ZNF350: variants seen among roughly 807,000 people sequenced by gnomAD.
ZNF350 encodes the protein zinc finger protein 350, also known as KRAB zinc finger protein ZFQR.
A neutral mutation model predicts 13.1 loss-of-function variants in ZNF350; 5 were observed. The ratio of observed to expected loss-of-function variants is 0.38; its 90% confidence interval spans 0.20 to 0.80. The LOEUF (loss-of-function observed/expected upper bound fraction) is 0.80, where lower values mean the gene tolerates loss of function less well. Among genes scored for constraint, ZNF350 ranks in the 30% least tolerant of loss-of-function variants. The pLI is 0.43. For missense variants in ZNF350, 534 were observed against 644.2 expected, an observed-to-expected ratio of 0.83 and a Z score of 1.85; for synonymous variants, 199 against 224.2, an observed-to-expected ratio of 0.89 and a Z score of 1.00.
Position 51,976,501 on chromosome 19 carries a change from G to GA in ZNF350, c.-171-1971_-171-1970insT. The GA allele has an allele frequency of 1.3e-5, 2 of 152,534 alleles. No individual in the cohort carries two copies. The highest frequency in any genetic ancestry group is 3.9e-4 in the East Asian group (2 of 5,178). 9.4% of individuals were successfully genotyped at this position (152,534 alleles called of 1,614,324 possible). A position where few individuals can be genotyped will look rare whatever the true frequency, so the allele number is the denominator to read the frequency against. On this transcript the variant is annotated intron_variant, in intron 1 of 4. Transcript: ENST00000243644. This position sits in a 1 kb window ranked among gnomAD's most constrained non-coding sequence, Gnocchi z 4.5. ...TCAAGGACGTGAATGAAGAAGGTCT[G>GA]CTGGAGCAGAGGAACTGAAATTGAC...
chr19:51,974,581 C>G (rs546173034), intron 1 of ZNF350, 50 bp from the exon 2 acceptor site: 53 of 540,632 alleles, frequency 9.8e-5, no homozygotes, highest in Middle Eastern at 2.8e-4. Context: ...TTTTCCAGGC[C>G]CAGATACTGT....
At chr19:51,975,281 C>A (rs555834441) in intron 1 of ZNF350, among the ~76,000 whole-genome samples, 156 of 152,144 alleles carry the variant, frequency 1.0e-3, no homozygotes, top group Non-Finnish European at 9.3e-4. Flanking sequence ...CCGGCCTAGC[C>A]AACATGGTGA....
At chr19:51,973,148 G>C (rs553469075) in intron 2 of ZNF350, 158 of 151,986 alleles carry the variant, frequency 1.0e-3, no homozygotes, top group African/African-American at 3.8e-3. Flanking sequence ...GGGTTTCACG[G>C]TGTGAGCCAG....
rs1568474208 is a variant in ZNF350 at position 51,965,196 on chromosome 19, C to T, written c.1257G>A (p.Lys419=). 2 of 1,614,082 alleles carry T rather than the reference C, an allele frequency of 1.2e-6. No homozygotes were observed. The change falls in exon 5 of 5, where the codon AAG becomes AAA. Residue 419 remains lysine, a synonymous_variant. Transcript: ENST00000243644. ...TCTCCCTTGTGTGTATTCTCTTATG[C>T]TTAACCAGACACGACATATACGCAA... ...KAFAYMSCLV[K]HKRIHTREKQ... is the part of the protein sequence containing the mutation.
At chr19:51,968,471 G>T in intron 4 of ZNF350, 107 bp downstream of exon 4, 2 of 940,816 alleles carry the variant, frequency 2.1e-6, no homozygotes, top group Non-Finnish European at 3.5e-6. Flanking sequence ...AGACAGATGA[G>T]TAGAGGAACT....
chr19:51,965,318 A>C lies in ZNF350; in HGVS notation c.1135T>G (p.Cys379Gly). ...TGCTTTGTGCTAAAGGCTTTCCCAC[A>C]TTCACTACATTCAAAGGGTTTCTCT... The part of the protein sequence containing the change: ...TGEKPFECSE[C>G]GKAFSTKQKL... The change falls in exon 5 of 5, where the codon TGT becomes GGT. Residue 379 changes from cysteine (C) to glycine (G), a missense_variant. Physicochemically the swap from Cys to Gly is radical, Grantham distance 159. Coordinates refer to ENST00000243644, the MANE Select transcript of ZNF350 (RefSeq NM_021632.4). 6.2e-7 allele frequency: 1 copy of C among 1,613,992 alleles called. No homozygotes were observed. The highest frequency in any genetic ancestry group is 8.5e-7 in the Non-Finnish European group (1 of 1,179,870).
chr19:51,969,126 G>A lies in ZNF350; in HGVS notation c.21C>T (p.Ser7=), dbSNP rs868805081. 2.5e-6 allele frequency: 4 copies of A among 1,613,788 alleles called. No individual in the cohort carries two copies. The highest frequency in any genetic ancestry group is 1.3e-5 in the African/African-American group (1 of 75,010). Reference sequence around the variant, plus strand: ...CCACAGCCACATCCTCCAGTGTTATGGATTCCTGTAATAACAGTCCTGTTT... The same window carrying A: ...CCACAGCCACATCCTCCAGTGTTATAGATTCCTGTAATAACAGTCCTGTTT... The part of the protein sequence containing the change: MIQAQE[S]ITLEDVAVDF... Residue 7 remains serine, a synonymous_variant, in exon 3 of 5, where the codon TCC becomes TCT. Coordinates refer to ENST00000243644, the MANE Select transcript of ZNF350 (RefSeq NM_021632.4).
chr19:51,975,612 C>T (rs970022775), intron 1 of ZNF350, among the ~76,000 whole-genome samples: 2 of 152,080 alleles, frequency 1.3e-5, no homozygotes, highest in Non-Finnish European at 2.9e-5. Context: ...AAGAAAATTA[C>T]ATTACATTAA....
chr19:51,981,995 T>C (rs2086057159), intron 1 of ZNF350: 2 of 152,050 alleles, frequency 1.3e-5, no homozygotes, highest in Admixed American at 6.6e-5. Context: ...TAGAGAGGCA[T>C]TAAAATGTGA....
chr19:51,985,668 TAAGA>T (rs2086145322), intron 1 of ZNF350, among the ~76,000 whole-genome samples: 1 of 152,172 alleles, frequency 6.6e-6, no homozygotes, highest in Non-Finnish European at 1.5e-5. Flanking sequence ...GAGATTCTGT[TAAGA>T]AAGTGTGAAT....
chr19:51,969,379 T>C (rs1229320329), intron 2 of ZNF350, among the ~76,000 whole-genome samples: 2 of 151,926 alleles, frequency 1.3e-5, no homozygotes, highest in Non-Finnish European at 2.9e-5. Context: ...CTAAAAACAA[T>C]ATATTTATAC....
chr19:51,964,638 T>G lies in ZNF350; in HGVS notation c.*216A>C. ...TTCCTCCACTTAAAAGTACTTGGGC[T>G]TCCTTTACTCATTTAATTGACACAG... On this transcript the variant is annotated 3_prime_UTR_variant, in exon 5 of 5. Coordinates refer to ENST00000243644, the MANE Select transcript of ZNF350 (RefSeq NM_021632.4). 1 of 547,940 alleles carries G rather than the reference T, an allele frequency of 1.8e-6. No homozygotes were observed. Among genetic ancestry groups the G allele is most frequent in the Admixed American group, 3.5e-5 (1 of 28,640 alleles). 33.9% of individuals were successfully genotyped at this position (547,940 alleles called of 1,614,324 possible).
At chr19:51,973,716 G>A (rs1255576820) in intron 2 of ZNF350, 3 of 152,236 alleles carry the variant, frequency 2.0e-5, no homozygotes, top group Admixed American at 2.0e-4. Context: ...TGAAAGTCCT[G>A]GAATCCTGCC....
chr19:51,968,391 A>G, intron 4 of ZNF350, 187 bp downstream of exon 4: 1 of 613,096 alleles, frequency 1.6e-6, no homozygotes, highest in South Asian at 2.0e-5. Context: ...GAGGAGATAA[A>G]GAGTTTTTGT....
chr19:51,976,222 GACCCCT>G lies in ZNF350; in HGVS notation c.-171-1697_-171-1692del, dbSNP rs2085893425. Among the ~76,000 whole-genome samples the G allele has an allele frequency of 6.6e-6, 1 of 152,154 alleles. No individual in the cohort carries two copies. The highest frequency in any genetic ancestry group is 2.4e-5 in the African/African-American group (1 of 41,426). On this transcript the variant is annotated intron_variant, in intron 1 of 4. Coordinates refer to ENST00000243644, the MANE Select transcript of ZNF350 (RefSeq NM_021632.4). The surrounding 1 kb of genome is among the most constrained non-coding windows in gnomAD (Gnocchi z 4.5). The stretch of plus-strand genomic sequence containing the variant: ...CAAGACTACTCTGGACCGAGCAGCT[GACCCCT>G]TCTTCCACCTCCCCTTCTCACTGTC...
chr19:51,975,691 C>T (rs1337664081), intron 1 of ZNF350, among the ~76,000 whole-genome samples: 1 of 152,186 alleles, frequency 6.6e-6, no homozygotes, highest in Non-Finnish European at 1.5e-5. Flanking sequence ...TGCCTCAAAA[C>T]TGTCAGAATG....
Position 51,969,084 on chromosome 19 carries a change from C to T in ZNF350, c.63G>A (p.Glu21=), listed in dbSNP as rs2085659082. The change falls in exon 3 of 5, where the codon GAG becomes GAA. Residue 21 remains glutamate (E), a synonymous_variant. Coordinates refer to ENST00000243644, the MANE Select transcript of ZNF350 (RefSeq NM_021632.4). The part of the protein sequence containing the change: ...EDVAVDFTWE[E]WQLLGAAQKD... ...TCTGAGCAGCGCCCAGGAGTTGCCACTCCTCCCAAGTGAAGTCCACAGCCA... is the reference window on the plus strand; with the variant it reads ...TCTGAGCAGCGCCCAGGAGTTGCCATTCCTCCCAAGTGAAGTCCACAGCCA... 1.9e-6 allele frequency: 3 copies of T among 1,614,006 alleles called. No homozygotes were observed. Among genetic ancestry groups the T allele is most frequent in the Non-Finnish European group, 2.5e-6 (3 of 1,180,002 alleles).
intron 1 of ZNF350, among the ~76,000 whole-genome samples, chr19:51,986,037 A>T (rs1234203490): frequency 6.6e-6 from 1 of 152,126 alleles, no homozygotes; most frequent in Non-Finnish European, 1.5e-5. Flanking sequence ...TAAAAAATAA[A>T]AGAAGTGAAT....
chr19:51,983,371 A>G (rs1448208260), intron 1 of ZNF350, among the ~76,000 whole-genome samples: 6 of 152,032 alleles, frequency 3.9e-5, no homozygotes, highest in Admixed American at 3.3e-4. Flanking sequence ...CCAGCCCAAC[A>G]CTCGTAAAGG....
Sources: allele counts gnomAD v4.1 joint callset (sites outside exome capture counted in the v4.1 genomes callset), GRCh38; gene constraint gnomAD v4.1.1; non-coding constraint Gnocchi (gnomAD v3.1); transcripts MANE v1.5; gene names NCBI Gene and HGNC (gene_info 2026-07-23, HGNC 2026-07-21).